The following HRH1 variants were observed in gnomAD, a reference collection of about 807,000 sequenced individuals.
HRH1 encodes histamine receptor H1.
A neutral mutation model predicts 10.3 loss-of-function variants in HRH1; 6 were observed. The observed-to-expected ratio is 0.58, with a 90% CI of 0.32 to 1.15. The LOEUF (loss-of-function observed/expected upper bound fraction) is 1.15. HRH1 is among the 50% of genes most tolerant of loss of function. HRH1 has a pLI of 0.05. For synonymous variants in HRH1, 242 were observed against 236.7 expected (o/e 1.02, Z -0.21); for missense variants, 514 against 615.3 (o/e 0.84, Z 1.74).
intron 1 of HRH1, among the ~76,000 whole-genome samples, chr3:11,237,632 A>G (rs1290425030): frequency 6.7e-6 from 1 of 149,862 alleles, no homozygotes; most frequent in Non-Finnish European, 1.5e-5. Flanking sequence ...GCCTGATGCA[A>G]TCCTGAAAAT....
intron 1 of HRH1, among the ~76,000 whole-genome samples, chr3:11,180,067 T>C (rs148469910): frequency 1.0e-3 from 152 of 152,244 alleles, no homozygotes; most frequent in Middle Eastern, 6.8e-3. Context: ...CCGGCCCTCT[T>C]TTGTGTTTTA....
chr3:11,166,164 A>C (rs1937025889), intron 1 of HRH1, among the ~76,000 whole-genome samples: 1 of 152,152 alleles, frequency 6.6e-6, no homozygotes, highest in Non-Finnish European at 1.5e-5. Flanking sequence ...CACAAACCCC[A>C]TGGCCCCATT....
chr3:11,233,606 C>T (rs1424802632), intron 1 of HRH1, among the ~76,000 whole-genome samples: 1 of 152,162 alleles, frequency 6.6e-6, no homozygotes, highest in Non-Finnish European at 1.5e-5. Flanking sequence ...CAAGGAACAG[C>T]CAAGCCAGCC....
intron 1 of HRH1, among the ~76,000 whole-genome samples, chr3:11,182,427 C>T (rs1000138927): frequency 6.6e-6 from 1 of 152,178 alleles, no homozygotes; most frequent in Non-Finnish European, 1.5e-5. Flanking sequence ...TAGCTGTTAC[C>T]ATTAATAGAA....
At chr3:11,258,912 G>T in intron 1 of HRH1, 91 bp from the exon 2 acceptor site, 1 of 877,422 alleles carries the variant, frequency 1.1e-6, no homozygotes, top group Non-Finnish European at 1.7e-6. Flanking sequence ...ACCCCCAACA[G>T]CATACAACTC....
intron 1 of HRH1, among the ~76,000 whole-genome samples, chr3:11,169,671 C>G (rs1172380641): frequency 6.6e-6 from 1 of 152,190 alleles, no homozygotes; most frequent in Non-Finnish European, 1.5e-5. Flanking sequence ...ACCCTTCTCT[C>G]TGCACTCTTC....
intron 1 of HRH1, among the ~76,000 whole-genome samples, chr3:11,222,795 A>C (rs1938749983): frequency 6.6e-6 from 1 of 152,098 alleles, no homozygotes; most frequent in Non-Finnish European, 1.5e-5. Flanking sequence ...TCCCACTCCT[A>C]ATCAAGGCCC....
intron 1 of HRH1, among the ~76,000 whole-genome samples, chr3:11,199,250 AAGC>A (rs1937803147): frequency 6.6e-6 from 1 of 152,136 alleles, no homozygotes; most frequent in Non-Finnish European, 1.5e-5. Context: ...TAGAGAGGTT[AAGC>A]AGCTTGCCTG....
chr3:11,198,198 G>A (rs1937747504), intron 1 of HRH1, among the ~76,000 whole-genome samples: 2 of 152,070 alleles, frequency 1.3e-5, no homozygotes, highest in Admixed American at 6.6e-5. Context: ...GTCCTGTCCT[G>A]GGACATCCCC....
intron 1 of HRH1, among the ~76,000 whole-genome samples, chr3:11,243,591 C>G (rs1939404468): frequency 6.6e-6 from 1 of 152,212 alleles, no homozygotes; most frequent in Non-Finnish European, 1.5e-5. Flanking sequence ...CACCTTGGCC[C>G]CAGCGTGTGC....
At chr3:11,237,614 C>G (rs1939216496) in intron 1 of HRH1, among the ~76,000 whole-genome samples, 1 of 150,840 alleles carries the variant, frequency 6.6e-6, no homozygotes, top group South Asian at 2.1e-4. Context: ...AATATGGAAA[C>G]TCTCCCAGCC....
At chr3:11,177,250 AAATT>A (rs1469362430) in intron 1 of HRH1, among the ~76,000 whole-genome samples, 1 of 145,358 alleles carries the variant, frequency 6.9e-6, no homozygotes, top group Non-Finnish European at 1.5e-5. Context: ...TAAAATAAAT[AAATT>A]AAATAAATAA....
chr3:11,246,871 C>T (rs1348951982), intron 1 of HRH1, among the ~76,000 whole-genome samples: 1 of 152,018 alleles, frequency 6.6e-6, no homozygotes, highest in Non-Finnish European at 1.5e-5. Context: ...TACAGTGAGA[C>T]CCTCTCTCTA....
intron 1 of HRH1, among the ~76,000 whole-genome samples, chr3:11,185,499 A>C (rs1024110701): frequency 4.6e-5 from 7 of 152,166 alleles, no homozygotes; most frequent in Admixed American, 4.6e-4. Flanking sequence ...CAGCACTCTC[A>C]GTGTTGAGGA....
chr3:11,241,133 T>C (rs1346824873), intron 1 of HRH1, among the ~76,000 whole-genome samples: 1 of 152,186 alleles, frequency 6.6e-6, no homozygotes, highest in Non-Finnish European at 1.5e-5. Flanking sequence ...ATAAAGACAA[T>C]CTCATTGTTG....
intron 1 of HRH1, among the ~76,000 whole-genome samples, chr3:11,174,539 A>C (rs1359498900): frequency 6.6e-6 from 1 of 152,188 alleles, no homozygotes; most frequent in East Asian, 1.9e-4. Context: ...TGTTTAGAGA[A>C]GAGAAAAACA....
At chr3:11,185,123 G>GA (rs1937431639) in intron 1 of HRH1, among the ~76,000 whole-genome samples, 1 of 151,892 alleles carries the variant, frequency 6.6e-6, no homozygotes, top group Admixed American at 6.6e-5. Flanking sequence ...TGGGGACTGT[G>GA]AAAAAACATT....
chr3:11,245,750 A>C (rs1467433560), intron 1 of HRH1, among the ~76,000 whole-genome samples: 1 of 152,102 alleles, frequency 6.6e-6, no homozygotes, highest in Non-Finnish European at 1.5e-5. Flanking sequence ...AGATGGGTCC[A>C]TTTCTGCTTT....
chr3:11,197,345 C>T (rs1937701643), intron 1 of HRH1, among the ~76,000 whole-genome samples: 1 of 152,278 alleles, frequency 6.6e-6, no homozygotes, highest in Non-Finnish European at 1.5e-5. Flanking sequence ...TTCCTGAGGG[C>T]TGGCACCCTG....
Sources: gnomAD v4.1 joint callset for allele counts (sites outside exome capture counted in the v4.1 genomes callset) on GRCh38, gnomAD v4.1.1 for gene constraint, MANE v1.5 for transcripts, NCBI Gene and HGNC (gene_info 2026-07-23, HGNC 2026-07-21) for gene names.